The following ADIPOR1 variants were observed in gnomAD, a reference collection of about 807,000 sequenced individuals.
The protein encoded by ADIPOR1 is adiponectin receptor protein 1.
A neutral mutation model predicts 37.5 loss-of-function variants in ADIPOR1; 15 were observed. The observed-to-expected ratio is 0.40, with a 90% CI of 0.27 to 0.62. ADIPOR1 has a LOEUF of 0.62. Among genes scored for constraint, ADIPOR1 ranks in the 20% least tolerant of loss-of-function variants. ADIPOR1 has a pLI of 0.42. For synonymous variants in ADIPOR1, 173 were observed against 173.2 expected, an observed-to-expected ratio of 1.00 and a Z score of 0.01; for missense variants, 286 against 478.0, an observed-to-expected ratio of 0.60 and a Z score of 3.75.
intron 2 of ADIPOR1, among the ~76,000 whole-genome samples, 196 bp downstream of exon 2, chr1:202,950,734 G>A (rs1412605945): frequency 6.6e-6 from 1 of 152,182 alleles, no homozygotes; most frequent in Non-Finnish European, 1.5e-5. Context: ...TTACAAAGAT[G>A]AGTGCATTCC....
At chr1:202,955,610 G>A (rs561861188) in intron 1 of ADIPOR1, among the ~76,000 whole-genome samples, 13 of 151,856 alleles carry the variant, frequency 8.6e-5, no homozygotes, top group Non-Finnish European at 1.9e-4. Context: ...TCTTTTTGGA[G>A]TCAGGGTCTT....
intron 2 of ADIPOR1, among the ~76,000 whole-genome samples, chr1:202,949,513 G>A (rs78653387): frequency 0.036 from 5,428 of 149,910 alleles, 312 homozygotes; most frequent in East Asian, 0.21. Flanking sequence ...CCTGGAGGGC[G>A]GAGCCTGCAG....
At chr1:202,948,972 G>A (rs1195945518) in intron 2 of ADIPOR1, among the ~76,000 whole-genome samples, 1 of 151,588 alleles carries the variant, frequency 6.6e-6, no homozygotes, top group Non-Finnish European at 1.5e-5. Flanking sequence ...TGTATTTTTA[G>A]TAGAGATGGG....
rs908119511 is a variant in ADIPOR1 at position 202,948,801 on chromosome 1, T to C, written c.142-381A>G. ...CCATTACATTTTCTTTCTTTCTTTTTTTTTTTTTGAAATGGAATATCCCTC... is the reference window on the plus strand; with the variant it reads ...CCATTACATTTTCTTTCTTTCTTTTCTTTTTTTTGAAATGGAATATCCCTC... On this transcript the variant is annotated intron_variant, in intron 2 of 7. Coordinates refer to ENST00000340990, the MANE Select transcript of ADIPOR1 (RefSeq NM_015999.6). Among the ~76,000 whole-genome samples, 12 of 152,050 alleles carry C rather than the reference T, an allele frequency of 7.9e-5. No individual in the cohort carries two copies. In the South Asian group the frequency reaches 8.3e-4, roughly 11 times the overall value.
At chr1:202,947,239 A>G (rs1252445541) in intron 3 of ADIPOR1, among the ~76,000 whole-genome samples, 1 of 151,112 alleles carries the variant, frequency 6.6e-6, no homozygotes, top group African/African-American at 2.4e-5. Context: ...TGGTCCAACC[A>G]GGCTGGGCGC....
At chr1:202,944,587 T>G (rs1654232812) in intron 5 of ADIPOR1, 1 of 156,438 alleles carries the variant, frequency 6.4e-6, no homozygotes, top group South Asian at 2.0e-4. Flanking sequence ...TAAGCTTTAC[T>G]TGACTGCTGG....
At chr1:202,957,381 C>G (rs1215605728) in intron 1 of ADIPOR1, among the ~76,000 whole-genome samples, 7 of 152,040 alleles carry the variant, frequency 4.6e-5, no homozygotes, top group Non-Finnish European at 8.8e-5. Context: ...CCATGGCCTC[C>G]TAGCGCTCCT....
At chr1:202,946,117 A>G (rs964340925) in intron 4 of ADIPOR1, among the ~76,000 whole-genome samples, 1 of 152,136 alleles carries the variant, frequency 6.6e-6, no homozygotes, top group African/African-American at 2.4e-5. Context: ...AACCCAGACA[A>G]AAAAGACCAT....
At chr1:202,955,360 C>T (rs1337198575) in intron 1 of ADIPOR1, among the ~76,000 whole-genome samples, 2 of 151,654 alleles carry the variant, frequency 1.3e-5, no homozygotes, top group Non-Finnish European at 1.5e-5. Flanking sequence ...TCTTAGTAAC[C>T]GGGACTACAG....
At chr1:202,945,208 AG>A (rs1654260243) in intron 4 of ADIPOR1, 39 bp from the exon 5 acceptor site, 2 of 1,527,008 alleles carry the variant, frequency 1.3e-6, no homozygotes. Context: ...GTAAGAAAAA[AG>A]GGAATGTGTA....
At position 202,941,717 on chromosome 1, in the gene ADIPOR1, G is replaced by C. The variant is rs1553242178; in HGVS notation, c.1000-16C>G. ...GAGACTGGAACTGTAGGAATAAAAA[G>C]AAAAGAGCCTTTAGGATAATGCAAG... On this transcript the variant is annotated splice_polypyrimidine_tract_variant and intron_variant, in intron 7 of 7. Transcript: ENST00000340990. The C allele has an allele frequency of 6.2e-7, 1 of 1,604,418 alleles. No individual in the cohort carries two copies. The highest frequency in any genetic ancestry group is 8.5e-7 in the Non-Finnish European group (1 of 1,177,642).
At chr1:202,945,629 G>C (rs2102484604) in intron 4 of ADIPOR1, among the ~76,000 whole-genome samples, 1 of 152,290 alleles carries the variant, frequency 6.6e-6, no homozygotes, top group African/African-American at 2.4e-5. Flanking sequence ...ATTGACCAAT[G>C]AGTGAATAAA....
Position 202,948,301 on chromosome 1 carries a change from T to C in ADIPOR1, c.258+3A>G, listed in dbSNP as rs1358119443. ...TTCCAGGACAGAAGCTCATAGGCCA[T>C]ACCTTGTACACAAACTCTTCCATCT... On this transcript the variant is annotated splice_donor_region_variant and intron_variant, in intron 3 of 7. Transcript: ENST00000340990. The C allele has an allele frequency of 5.2e-5, 83 of 1,602,984 alleles. No individual in the cohort carries two copies. The highest frequency in any genetic ancestry group is 7.1e-5 in the Non-Finnish European group (83 of 1,174,000).
At position 202,942,139 on chromosome 1, in the gene ADIPOR1, G is replaced by C. The variant is rs139792596; in HGVS notation, c.885C>G (p.Thr295=). The stretch of plus-strand genomic sequence containing the variant: ...AGAACCAGCCCATCTGGCCCACTGT[G>C]GTGGCCTTGACAAAGCCCTCAGCGA... ...FTIAEGFVKA[T]TVGQMGWFFL... The change falls in exon 7 of 8, where the codon ACC becomes ACG. Residue 295 remains threonine (T), a synonymous_variant. Transcript: ENST00000340990. 4.1e-4 allele frequency: 666 copies of C among 1,614,192 alleles called. 3 individuals carry two copies. The African/African-American group carries it at 7.3e-3, about 18-fold the overall frequency.
At chr1:202,956,132 G>A (rs1245744497) in intron 1 of ADIPOR1, among the ~76,000 whole-genome samples, 4 of 152,190 alleles carry the variant, frequency 2.6e-5, no homozygotes, top group African/African-American at 7.2e-5. Context: ...CATGGTGAGA[G>A]GAACAAAATC....
At chr1:202,956,446 A>G (rs936645626) in intron 1 of ADIPOR1, among the ~76,000 whole-genome samples, 9 of 152,202 alleles carry the variant, frequency 5.9e-5, no homozygotes, top group Non-Finnish European at 1.3e-4. Context: ...TACAATACGC[A>G]TGGTGTTGTG....
intron 1 of ADIPOR1, among the ~76,000 whole-genome samples, chr1:202,955,058 G>C (rs1654726174): frequency 6.6e-6 from 1 of 152,130 alleles, no homozygotes; most frequent in African/African-American, 2.4e-5. Context: ...TCTTAGGCAG[G>C]ATAATTTCAC....
chr1:202,944,898 T>C, intron 5 of ADIPOR1, 85 bp downstream of exon 5: 1 of 1,293,170 alleles, frequency 7.7e-7, no homozygotes, highest in South Asian at 1.5e-5. Context: ...AGGAGTGATA[T>C]GAGCTCCTAT....
intron 6 of ADIPOR1, among the ~76,000 whole-genome samples, chr1:202,942,811 C>T (rs891534602): frequency 1.4e-4 from 22 of 151,994 alleles, no homozygotes; most frequent in African/African-American, 4.8e-4. Flanking sequence ...GTGCATGGCA[C>T]GTGGCTGGTG....
Sources: allele counts gnomAD v4.1 joint callset (sites outside exome capture counted in the v4.1 genomes callset), GRCh38; gene constraint gnomAD v4.1.1; transcripts MANE v1.5; gene names NCBI Gene and HGNC (gene_info 2026-07-23, HGNC 2026-07-21).